Variants in CMKLR1 observed in about 807,000 individuals in gnomAD.
CMKLR1 encodes the protein chemerin chemokine-like receptor 1.
In CMKLR1, 6 loss-of-function variants were observed where a neutral mutation model predicts 8.2. The observed-to-expected ratio is 0.73, with a 90% CI of 0.40 to 1.44. The LOEUF (loss-of-function observed/expected upper bound fraction) is 1.44, where lower values mean the gene tolerates loss of function less well. CMKLR1 is among the 40% of genes most tolerant of loss of function. The pLI is 0.02. For missense variants in CMKLR1, 429 were observed against 478.0 expected, an observed-to-expected ratio of 0.90 and a Z score of 0.96; for synonymous variants, 178 against 181.2, an observed-to-expected ratio of 0.98 and a Z score of 0.14.
At chr12:108,298,979 C>T (rs1386206475) in intron 2 of CMKLR1, among the ~76,000 whole-genome samples, 2 of 152,386 alleles carry the variant, frequency 1.3e-5, no homozygotes, top group Admixed American at 6.5e-5. Flanking sequence ...AGGAGACCTG[C>T]TGTGTCACCT....
At chr12:108,294,997 G>A (rs1891094789) in intron 2 of CMKLR1, among the ~76,000 whole-genome samples, 1 of 152,164 alleles carries the variant, frequency 6.6e-6, no homozygotes, top group African/African-American at 2.4e-5. Flanking sequence ...TCAAAGCTTG[G>A]GTGTTATCCC....
chr12:108,310,007 G>A (rs1891508805), intron 2 of CMKLR1, among the ~76,000 whole-genome samples: 1 of 152,208 alleles, frequency 6.6e-6, no homozygotes, highest in African/African-American at 2.4e-5. Context: ...TCTGCACAAA[G>A]TAAAGAGAAA....
At chr12:108,311,078 G>A (rs1223769494) in intron 2 of CMKLR1, among the ~76,000 whole-genome samples, 2 of 152,090 alleles carry the variant, frequency 1.3e-5, no homozygotes, top group Non-Finnish European at 2.9e-5. Context: ...ACACACTGCT[G>A]CTATGCCTTC....
rs1469721564 is a variant in CMKLR1 at position 108,292,801 on chromosome 12, C to T, written c.162G>A (p.Gly54=). Residue 54 remains glycine, a synonymous_variant, in exon 4 of 4, where the codon GGG becomes GGA. Transcript: ENST00000550402. The part of the protein sequence containing the change: ...VVVYSIVCFL[G]ILGNGLVIII... ...TGATCACCAGACCATTGCCCAGAAT[C>T]CCGAGGAAGCAGACGATGCTGTAGA... 1 of 1,614,148 alleles carries T rather than the reference C, an allele frequency of 6.2e-7. No homozygotes were observed. Among genetic ancestry groups the T allele is most frequent in the Non-Finnish European group, 8.5e-7 (1 of 1,180,030 alleles).
intron 1 of CMKLR1, among the ~76,000 whole-genome samples, chr12:108,338,573 A>C (rs749506525): frequency 4.6e-5 from 7 of 152,214 alleles, no homozygotes; most frequent in Non-Finnish European, 8.8e-5. Flanking sequence ...TCTTAAAAAT[A>C]GGCAAACCTT....
At chr12:108,335,409 G>T (rs1892198118) in intron 1 of CMKLR1, among the ~76,000 whole-genome samples, 3 of 152,200 alleles carry the variant, frequency 2.0e-5, no homozygotes, top group African/African-American at 7.2e-5. Flanking sequence ...AGACAATGAG[G>T]ATATCTGAGG....
intron 2 of CMKLR1, among the ~76,000 whole-genome samples, chr12:108,321,467 C>T (rs114984340): frequency 0.016 from 2,431 of 152,132 alleles, 47 homozygotes; most frequent in African/African-American, 0.043. Context: ...TAAAAATTAA[C>T]GCAAAATATT....
chr12:108,299,534 C>T (rs1891214316), intron 2 of CMKLR1, among the ~76,000 whole-genome samples: 1 of 152,162 alleles, frequency 6.6e-6, no homozygotes. Context: ...CCACTAGAAC[C>T]TGTCAGTGTT....
chr12:108,330,949 C>T (rs972278261), intron 1 of CMKLR1, among the ~76,000 whole-genome samples: 4 of 152,162 alleles, frequency 2.6e-5, no homozygotes, highest in African/African-American at 9.7e-5. Context: ...GGCACCTTCT[C>T]CCCTCCTAGT....
rs770141378 is a variant in CMKLR1, at chr12:108,292,769, GC to G, written c.193del (p.Ala65ProfsTer5). 1 of 1,614,160 alleles carries G rather than the reference GC, an allele frequency of 6.2e-7. No individual in the cohort carries two copies. The highest frequency in any genetic ancestry group is 8.5e-7 in the Non-Finnish European group (1 of 1,180,016). On this transcript the variant is annotated frameshift_variant, in exon 4 of 4. Transcript: ENST00000550402. LOFTEE classifies it low-confidence loss of function (END_TRUNC). Reference protein sequence around the residue: ...ILGNGLVIIIATFKMKKTVNM... With the variant: ...ILGNGLVIIIXTFKMKKTVNM... Reference sequence around the variant, plus strand: ...CACTGTCTTCTTCATCTTGAAGGTGGCAATGATGATCACCAGACCATTGCCC... The same window carrying G: ...CACTGTCTTCTTCATCTTGAAGGTGGAATGATGATCACCAGACCATTGCCC...
At chr12:108,314,814 A>G (rs1399029432) in intron 2 of CMKLR1, among the ~76,000 whole-genome samples, 2 of 151,840 alleles carry the variant, frequency 1.3e-5, no homozygotes, top group Non-Finnish European at 2.9e-5. Context: ...CTGGTCTTGA[A>G]TTTCTGGCCT....
intron 2 of CMKLR1, among the ~76,000 whole-genome samples, chr12:108,294,582 T>C (rs1179173148): frequency 6.6e-6 from 1 of 152,088 alleles, no homozygotes; most frequent in South Asian, 2.1e-4. Context: ...CCTCACAGAG[T>C]GTATATAAGA....
At chr12:108,313,401 T>A (rs1049576334) in intron 2 of CMKLR1, among the ~76,000 whole-genome samples, 12 of 152,214 alleles carry the variant, frequency 7.9e-5, no homozygotes, top group African/African-American at 2.9e-4. Flanking sequence ...AAAAGGGAAG[T>A]GGCTCAGTGC....
In CMKLR1 at chr12:108,293,672, G is replaced by GAAAAAAAAA. The variant is rs59925321; in HGVS notation, c.-73-17_-73-9dup. 2 of 902,396 alleles carry GAAAAAAAAA rather than the reference G, an allele frequency of 2.2e-6. No individual in the cohort carries two copies. The highest frequency in any genetic ancestry group is 1.6e-6 in the Non-Finnish European group (1 of 631,400). The allele number at this position is 902,396 out of a possible 1,614,324, so 55.9% of individuals were successfully genotyped here. A position where few individuals can be genotyped will look rare whatever the true frequency, so the allele number is the denominator to read the frequency against. On this transcript the variant is annotated splice_polypyrimidine_tract_variant and intron_variant, in intron 2 of 3. Coordinates refer to ENST00000550402, the MANE Select transcript of CMKLR1 (RefSeq NM_001142343.2). Reference sequence around the variant, plus strand: ...GTACACAGCTAGAAACACCTGTAGGGAAAAAAAAAAAAAAAAAAGCAGCAA... The same window carrying GAAAAAAAAA: ...GTACACAGCTAGAAACACCTGTAGGGAAAAAAAAAAAAAAAAAAAAAAAAAAAGCAGCAA...
intron 2 of CMKLR1, among the ~76,000 whole-genome samples, chr12:108,321,173 C>G (rs1347732477): frequency 6.6e-6 from 1 of 152,354 alleles, no homozygotes; most frequent in East Asian, 1.9e-4. Flanking sequence ...CCCTGATTCC[C>G]ATTCTCCTGA....
At position 108,301,179 on chromosome 12, in the gene CMKLR1, G is replaced by T. The variant is rs1163992741; in HGVS notation, c.-73-7515C>A. Among the ~76,000 whole-genome samples, 3 of 149,188 alleles carry T rather than the reference G, an allele frequency of 2.0e-5. No homozygotes were observed. In the Admixed American group the frequency reaches 2.0e-4, roughly 10 times the overall value. ...CAGCCTCTGCCTCTCGGGTTCAAGT[G>T]ATTCTCCTGCCTCAGCCTCCCGAGT... On this transcript the variant is annotated intron_variant, in intron 2 of 3. Transcript: ENST00000550402.
chr12:108,328,347 C>T (rs1390602302), intron 2 of CMKLR1, among the ~76,000 whole-genome samples: 1 of 152,212 alleles, frequency 6.6e-6, no homozygotes, highest in African/African-American at 2.4e-5. Flanking sequence ...AGGCAAGCCC[C>T]CTGACACCAA....
intron 2 of CMKLR1, among the ~76,000 whole-genome samples, chr12:108,311,051 G>T (rs1891551532): frequency 6.6e-6 from 1 of 151,796 alleles, no homozygotes. Context: ...ATCCCCCACT[G>T]CAAATTGATG....
chr12:108,309,008 G>A (rs79529261), intron 2 of CMKLR1, among the ~76,000 whole-genome samples: 1,573 of 152,202 alleles, frequency 0.01, 22 homozygotes, highest in African/African-American at 0.035. Context: ...AGACTGCCTC[G>A]GTTTGAATCC....
Sources: gnomAD v4.1 joint callset for allele counts (sites outside exome capture counted in the v4.1 genomes callset) on GRCh38, gnomAD v4.1.1 for gene constraint, MANE v1.5 for transcripts, NCBI Gene and HGNC (gene_info 2026-07-23, HGNC 2026-07-21) for gene names.